The following PRKD1 variants were observed in gnomAD, a reference collection of about 807,000 sequenced individuals.
The protein encoded by PRKD1 is serine/threonine-protein kinase D1.
In PRKD1, 63 loss-of-function variants were observed where a neutral mutation model predicts 95.9. That is an observed-to-expected ratio of 0.66 (90% CI 0.54 to 0.81). The LOEUF is 0.81. PRKD1 is among the 30% of genes least tolerant of loss of function. The pLI, the probability that PRKD1 is intolerant of heterozygous loss-of-function variation, is 0.00. For synonymous variants in PRKD1, 425 were observed against 423.1 expected (o/e 1.00, Z -0.05); for missense variants, 1,048 against 1,165.3 (o/e 0.90, Z 1.47).
chr14:29,914,518 G>A (rs915026091), intron 1 of PRKD1, among the ~76,000 whole-genome samples: 3 of 152,180 alleles, frequency 2.0e-5, no homozygotes, highest in African/African-American at 4.8e-5. Flanking sequence ...ACTTTGAGAG[G>A]CCAAGGCGGG....
chr14:29,642,179 C>A (rs1880826208), intron 4 of PRKD1, among the ~76,000 whole-genome samples: 1 of 152,144 alleles, frequency 6.6e-6, no homozygotes, highest in Non-Finnish European at 1.5e-5. Context: ...GCTGGGATTA[C>A]AGGCATGAGC....
chr14:29,912,598 G>T (rs572555605), intron 1 of PRKD1, among the ~76,000 whole-genome samples: 37 of 152,274 alleles, frequency 2.4e-4, no homozygotes, highest in Non-Finnish European at 4.6e-4. Context: ...ATGCGCTACA[G>T]TCCGTACATT....
intron 1 of PRKD1, among the ~76,000 whole-genome samples, chr14:29,789,086 A>G (rs546408405): frequency 6.6e-6 from 1 of 152,114 alleles, no homozygotes; most frequent in South Asian, 2.1e-4. Flanking sequence ...AGGGTCTCAT[A>G]TGTTGCCCAG....
At chr14:29,596,008 A>C (rs1164769500) in intron 16 of PRKD1, among the ~76,000 whole-genome samples, 1 of 152,346 alleles carries the variant, frequency 6.6e-6, no homozygotes, top group Admixed American at 6.5e-5. Flanking sequence ...GAATTATGAA[A>C]AATATTTAAT....
At chr14:29,910,876 G>A (rs1014627836) in intron 1 of PRKD1, among the ~76,000 whole-genome samples, 1 of 152,018 alleles carries the variant, frequency 6.6e-6, no homozygotes, top group Non-Finnish European at 1.5e-5. Flanking sequence ...AACTTTAATC[G>A]AGCCAATAAG....
chr14:29,606,100 C>G (rs889343163), intron 13 of PRKD1, among the ~76,000 whole-genome samples: 1 of 152,114 alleles, frequency 6.6e-6, no homozygotes, highest in Non-Finnish European at 1.5e-5. Context: ...ACAGCCTCCC[C>G]CTCTCGGGTT....
intron 16 of PRKD1, chr14:29,592,610 G>T (rs1393994656): frequency 6.6e-6 from 1 of 151,964 alleles, no homozygotes; most frequent in Non-Finnish European, 1.5e-5. Flanking sequence ...AAAGTGACTG[G>T]GAAACGGAAA....
At chr14:29,843,276 A>G (rs1891937782) in intron 1 of PRKD1, among the ~76,000 whole-genome samples, 1 of 152,210 alleles carries the variant, frequency 6.6e-6, no homozygotes, top group African/African-American at 2.4e-5. Context: ...GGTCCTCAGA[A>G]GAAACCAACC....
At chr14:29,642,594 T>C (rs1362495282) in intron 4 of PRKD1, among the ~76,000 whole-genome samples, 1 of 152,208 alleles carries the variant, frequency 6.6e-6, no homozygotes, top group African/African-American at 2.4e-5. Flanking sequence ...GATTTCATTA[T>C]ATATCAAGTT....
At chr14:29,590,116 T>C (rs1182494692) in intron 16 of PRKD1, among the ~76,000 whole-genome samples, 1 of 152,214 alleles carries the variant, frequency 6.6e-6, no homozygotes, top group Non-Finnish European at 1.5e-5. Flanking sequence ...ACATTTTAAG[T>C]ACATTTTACA....
chr14:29,677,747 T>C (rs1008276171), intron 2 of PRKD1, among the ~76,000 whole-genome samples: 1 of 152,140 alleles, frequency 6.6e-6, no homozygotes, highest in African/African-American at 2.4e-5. Context: ...GCTAATTTAG[T>C]AGAGATGGGA....
intron 1 of PRKD1, among the ~76,000 whole-genome samples, chr14:29,781,758 A>T (rs906455851): frequency 1.3e-5 from 2 of 152,244 alleles, no homozygotes; most frequent in Admixed American, 6.5e-5. Flanking sequence ...CTTCACATGA[A>T]CATTTCCATA....
chr14:29,727,275 A>G (rs1045727053), intron 1 of PRKD1, among the ~76,000 whole-genome samples: 13 of 152,050 alleles, frequency 8.5e-5, no homozygotes, highest in African/African-American at 2.4e-4. Flanking sequence ...GTTTGAGTTC[A>G]TTGTATATTC....
At chr14:29,919,511 G>A (rs17096141) in intron 1 of PRKD1, among the ~76,000 whole-genome samples, 4,741 of 152,264 alleles carry the variant, frequency 0.031, 188 homozygotes, top group African/African-American at 0.098. Flanking sequence ...TTCAAGTGGT[G>A]CTATCACAAC....
intron 1 of PRKD1, among the ~76,000 whole-genome samples, chr14:29,828,736 C>G (rs1447007702): frequency 6.6e-6 from 1 of 152,124 alleles, no homozygotes; most frequent in Non-Finnish European, 1.5e-5. Context: ...ATTGGTCCAA[C>G]AAAACATATA....
chr14:29,579,401 C>A (rs942278891), intron 16 of PRKD1, among the ~76,000 whole-genome samples: 5 of 152,034 alleles, frequency 3.3e-5, no homozygotes, highest in Admixed American at 2.0e-4. Flanking sequence ...TGCCCTTAAC[C>A]TACCCTAGGC....
chr14:29,695,699 G>A (rs766636768), intron 2 of PRKD1, among the ~76,000 whole-genome samples: 11 of 152,188 alleles, frequency 7.2e-5, no homozygotes, highest in Non-Finnish European at 1.3e-4. Context: ...GTTAGAGGAA[G>A]CTGGATATGA....
At chr14:29,909,785 G>A (rs556734620) in intron 1 of PRKD1, among the ~76,000 whole-genome samples, 10 of 152,080 alleles carry the variant, frequency 6.6e-5, no homozygotes, top group Non-Finnish European at 1.0e-4. Flanking sequence ...GAATCTTTAC[G>A]TCTAGCTAAA....
At chr14:29,632,735 A>T in intron 9 of PRKD1, 134 bp downstream of exon 9, 1 of 618,094 alleles carries the variant, frequency 1.6e-6, no homozygotes, top group Non-Finnish European at 2.7e-6. Context: ...TATAGAGAAG[A>T]AAAAAAAAAT....
Sources: allele counts gnomAD v4.1 joint callset (sites outside exome capture counted in the v4.1 genomes callset), GRCh38; gene constraint gnomAD v4.1.1; transcripts MANE v1.5; gene names NCBI Gene and HGNC (gene_info 2026-07-23, HGNC 2026-07-21).